Variants in AEBP2 observed in about 807,000 individuals in gnomAD.
AEBP2 encodes AE binding protein 2, also known as zinc finger protein AEBP2.
A neutral mutation model predicts 50.8 loss-of-function variants in AEBP2; 10 were observed. The observed-to-expected ratio is 0.20, with a 90% CI of 0.12 to 0.33. The LOEUF (loss-of-function observed/expected upper bound fraction) is 0.33. Among genes scored for constraint, AEBP2 ranks in the 10% least tolerant of loss-of-function variants. AEBP2 has a pLI of 1.00. For synonymous variants in AEBP2, 296 were observed against 261.3 expected (o/e 1.13, Z -1.28); for missense variants, 570 against 688.0 (o/e 0.83, Z 1.92).
Position 19,439,558 on chromosome 12 carries a change from C to A in AEBP2, c.-142C>A. Reference sequence around the variant, plus strand: ...GCGGGCTCCGTAGCGCGTGTGCAGGCTGACGCAGCTCGCGGGCCCTCCTCC... The same window carrying A: ...GCGGGCTCCGTAGCGCGTGTGCAGGATGACGCAGCTCGCGGGCCCTCCTCC... On this transcript the variant is annotated 5_prime_UTR_variant, in exon 1 of 8. It adds an upstream start codon to the 5' untranslated region. Coordinates refer to ENST00000266508, the MANE Select transcript of AEBP2 (RefSeq NM_153207.5). 8.8e-7 allele frequency: 1 copy of A among 1,135,520 alleles called. No individual in the cohort carries two copies. Among genetic ancestry groups the A allele is most frequent in the Non-Finnish European group, 1.2e-6 (1 of 834,152 alleles). The allele number at this position is 1,135,520 out of a possible 1,614,324, so 70.3% of individuals were successfully genotyped here. A position where few individuals can be genotyped will look rare whatever the true frequency, so the allele number is the denominator to read the frequency against.
intron 4 of AEBP2, among the ~76,000 whole-genome samples, chr12:19,499,617 A>AAG: frequency 6.7e-6 from 1 of 150,072 alleles, no homozygotes; most frequent in East Asian, 1.9e-4. Flanking sequence ...CTGTCTCTTA[A>AAG]AAAAAAAAAA....
intron 5 of AEBP2, chr12:19,509,016 T>C (rs754907758): frequency 2.3e-5 from 13 of 555,782 alleles, no homozygotes; most frequent in Admixed American, 5.8e-5. Context: ...ACTAAGAACG[T>C]TGGGAAAGCA....
chr12:19,456,045 A>G (rs1342700026), intron 1 of AEBP2, among the ~76,000 whole-genome samples: 1 of 152,148 alleles, frequency 6.6e-6, no homozygotes, highest in African/African-American at 2.4e-5. Context: ...TTTAAAAACT[A>G]ATAACTTAAA....
At chr12:19,437,394 G>A (rs1947871882), upstream of AEBP2, among the ~76,000 whole-genome samples, 4 of 152,168 alleles carry the variant, frequency 2.6e-5, no homozygotes, top group South Asian at 8.3e-4. Context: ...TGTTGGCCAT[G>A]ACCCTTATGA....
At chr12:19,506,273 T>G (rs1251064089) in intron 5 of AEBP2, among the ~76,000 whole-genome samples, 3 of 152,040 alleles carry the variant, frequency 2.0e-5, no homozygotes, top group Non-Finnish European at 4.4e-5. Flanking sequence ...CTAATTTTTG[T>G]ATTTTTAGTA....
chr12:19,456,964 C>G (rs1948280456), intron 1 of AEBP2: 1 of 1,544,044 alleles, frequency 6.5e-7, no homozygotes, highest in Non-Finnish European at 8.9e-7. Flanking sequence ...CATGGTTCCA[C>G]TGGTATTGCC....
At chr12:19,460,077 T>C (rs750947581) in intron 1 of AEBP2, among the ~76,000 whole-genome samples, 3 of 152,056 alleles carry the variant, frequency 2.0e-5, no homozygotes, top group Non-Finnish European at 2.9e-5. Context: ...GCCATAGTGG[T>C]GCACACCTGT....
At chr12:19,508,432 A>G (rs1169125554) in intron 5 of AEBP2, among the ~76,000 whole-genome samples, 1 of 152,072 alleles carries the variant, frequency 6.6e-6, no homozygotes, top group Middle Eastern at 3.2e-3. Flanking sequence ...CTCAGTCCTA[A>G]TATGTTTTCA....
intron 2 of AEBP2, among the ~76,000 whole-genome samples, chr12:19,467,968 C>T (rs896500898): frequency 2.0e-5 from 3 of 151,748 alleles, no homozygotes; most frequent in Admixed American, 6.6e-5. Context: ...TTAACTATAG[C>T]ACTCAGGAGG....
upstream of AEBP2, among the ~76,000 whole-genome samples, chr12:19,435,948 C>T (rs756856459): frequency 5.3e-5 from 8 of 152,220 alleles, no homozygotes; most frequent in African/African-American, 1.9e-4. Flanking sequence ...CGAACCACAG[C>T]GACTCGCATC....
At chr12:19,476,521 T>C (rs148667306) in intron 3 of AEBP2, among the ~76,000 whole-genome samples, 68 of 124,714 alleles carry the variant, frequency 5.5e-4, no homozygotes, top group African/African-American at 1.6e-3. Context: ...TTTAAATTTT[T>C]AGTAGAGACA....
chr12:19,490,215 T>C lies in AEBP2; in HGVS notation c.988-3585T>C, dbSNP rs375067989. On this transcript the variant is annotated intron_variant, in intron 3 of 7. Transcript: ENST00000266508. ...GCCTATTCTTTGCTGTCTGGAAGGA[T>C]GCTGGGACAAAATGACTCTTAAGAC... Among the ~76,000 whole-genome samples the C allele has an allele frequency of 8.5e-5, 13 of 152,166 alleles. No homozygotes were observed. In the South Asian group the frequency reaches 1.9e-3, roughly 22 times the overall value.
upstream of AEBP2, among the ~76,000 whole-genome samples, chr12:19,438,388 T>C (rs1947883004): frequency 1.3e-5 from 2 of 152,228 alleles, no homozygotes; most frequent in Non-Finnish European, 2.9e-5. Flanking sequence ...CATCTGCTTT[T>C]TTTATGCGAA....
intron 1 of AEBP2, among the ~76,000 whole-genome samples, chr12:19,442,648 G>A (rs764450527): frequency 5.9e-5 from 9 of 152,180 alleles, no homozygotes; most frequent in Non-Finnish European, 1.2e-4. Flanking sequence ...AGCAAACTTG[G>A]TTTTCTTAAT....
At chr12:19,411,590 A>G (rs1436952061) in intron 1 of AEBP2, among the ~76,000 whole-genome samples, 5 of 152,212 alleles carry the variant, frequency 3.3e-5, no homozygotes, top group Non-Finnish European at 5.9e-5. Context: ...TAATCCATGT[A>G]AAGTTCTCAG....
At chr12:19,503,561 A>G (rs966000383) in intron 5 of AEBP2, among the ~76,000 whole-genome samples, 7 of 152,040 alleles carry the variant, frequency 4.6e-5, no homozygotes, top group African/African-American at 1.7e-4. Context: ...AAGAAAGTAA[A>G]TTCGATTTCC....
intron 1 of AEBP2, among the ~76,000 whole-genome samples, chr12:19,430,327 T>G (rs1207753004): frequency 6.6e-6 from 1 of 152,200 alleles, no homozygotes; most frequent in African/African-American, 2.4e-5. Context: ...TCTGTTCCAT[T>G]GGTCTATATA....
At chr12:19,477,388 C>T (rs755311690) in intron 3 of AEBP2, among the ~76,000 whole-genome samples, 1 of 152,120 alleles carries the variant, frequency 6.6e-6, no homozygotes, top group Non-Finnish European at 1.5e-5. Context: ...CCAGTTGTCA[C>T]GGGGAATGCT....
intron 5 of AEBP2, among the ~76,000 whole-genome samples, chr12:19,502,900 A>G (rs1422742471): frequency 6.6e-6 from 1 of 152,114 alleles, no homozygotes; most frequent in East Asian, 1.9e-4. Context: ...CAGCCGCTTC[A>G]GCTTCCCAGA....
Sources: gnomAD v4.1 joint callset for allele counts (sites outside exome capture counted in the v4.1 genomes callset) on GRCh38, gnomAD v4.1.1 for gene constraint, MANE v1.5 for transcripts, NCBI Gene and HGNC (gene_info 2026-07-23, HGNC 2026-07-21) for gene names.